The following SEPTIN11 variants were observed in gnomAD, a reference collection of about 807,000 sequenced individuals.
SEPTIN11 encodes septin 11.
A neutral mutation model predicts 51.4 loss-of-function variants in SEPTIN11; 25 were observed. That is an observed-to-expected ratio of 0.49 (90% CI 0.35 to 0.68). The LOEUF (loss-of-function observed/expected upper bound fraction) is 0.68. SEPTIN11 is among the 30% of genes least tolerant of loss of function. The pLI, the probability that SEPTIN11 is intolerant of heterozygous loss-of-function variation, is 0.00. For synonymous variants in SEPTIN11, 174 were observed against 184.1 expected (o/e 0.95, Z 0.44); for missense variants, 381 against 520.8 (o/e 0.73, Z 2.61).
intron 1 of SEPTIN11, among the ~76,000 whole-genome samples, chr4:76,973,993 TCTC>T (rs746184357): frequency 1.4e-4 from 22 of 152,130 alleles, no homozygotes; most frequent in Non-Finnish European, 2.8e-4. Context: ...CACTTTTACC[TCTC>T]CTCATAAATC....
rs1251209230 is a variant in SEPTIN11, at chr4:77,011,855, T to C, written c.459T>C (p.Phe153=). ...CGAGGATCCATGCCTGCCTCTACTTTATTGCCCCTACTGGACATTCACTAA... is the reference window on the plus strand; with the variant it reads ...CGAGGATCCATGCCTGCCTCTACTTCATTGCCCCTACTGGACATTCACTAA... ...HDTRIHACLY[F]IAPTGHSLKS... The change falls in exon 4 of 10, where the codon TTT becomes TTC. Residue 153 remains phenylalanine (F), a synonymous_variant. Transcript: ENST00000264893. The C allele has an allele frequency of 1.2e-6, 2 of 1,614,148 alleles. No homozygotes were observed. The highest frequency in any genetic ancestry group is 1.7e-5 in the Admixed American group (1 of 60,022).
chr4:77,027,093 A>G (rs537514165), intron 7 of SEPTIN11, among the ~76,000 whole-genome samples: 1 of 152,210 alleles, frequency 6.6e-6, no homozygotes, highest in Non-Finnish European at 1.5e-5. Flanking sequence ...CTTTTAATAA[A>G]CTAATAACCG....
At chr4:77,023,019 G>GC (rs1001685231) in intron 7 of SEPTIN11, among the ~76,000 whole-genome samples, 4 of 152,126 alleles carry the variant, frequency 2.6e-5, no homozygotes, top group Middle Eastern at 3.2e-3. Context: ...GGCATTTCCT[G>GC]CAAGCCCAGA....
In SEPTIN11 at chr4:77,016,479, T is replaced by C. The variant is rs531843051; in HGVS notation, c.687+1462T>C. Among the ~76,000 whole-genome samples the C allele has an allele frequency of 4.4e-4, 64 of 145,578 alleles. 1 individual carries two copies. In the South Asian group the frequency reaches 4.7e-3, roughly 11 times the overall value. On this transcript the variant is annotated intron_variant, in intron 5 of 9. Coordinates refer to ENST00000264893, the MANE Select transcript of SEPTIN11 (RefSeq NM_018243.4). ...CAACAATAAAAACAATAATACAAAA[T>C]ATATATATATATGTGTATATATATA...
chr4:76,988,428 A>C (rs1197648382), intron 1 of SEPTIN11, among the ~76,000 whole-genome samples: 1 of 152,224 alleles, frequency 6.6e-6, no homozygotes, highest in African/African-American at 2.4e-5. Flanking sequence ...TGAATGAATG[A>C]AAGCATGAAT....
intron 1 of SEPTIN11, among the ~76,000 whole-genome samples, chr4:76,962,029 A>C (rs1223922411): frequency 6.6e-6 from 1 of 152,242 alleles, no homozygotes. Context: ...TAAAGGTAAA[A>C]AATTTTGCTG....
intron 1 of SEPTIN11, among the ~76,000 whole-genome samples, chr4:76,971,192 G>A (rs957698584): frequency 6.6e-6 from 1 of 152,096 alleles, no homozygotes; most frequent in Non-Finnish European, 1.5e-5. Flanking sequence ...GACTATACAA[G>A]GTGCTTCATA....
intron 6 of SEPTIN11, 115 bp downstream of exon 6, chr4:77,019,376 A>T: frequency 9.1e-6 from 7 of 772,812 alleles, no homozygotes; most frequent in Non-Finnish European, 1.4e-5. Context: ...TGGCAGTGGG[A>T]GGGAGTGGTG....
At chr4:76,997,780 G>A (rs1014454516) in intron 2 of SEPTIN11, among the ~76,000 whole-genome samples, 1 of 152,162 alleles carries the variant, frequency 6.6e-6, no homozygotes, top group African/African-American at 2.4e-5. Flanking sequence ...TGCAGAGCAG[G>A]GCAATTCTTC....
rs746595068 is a variant in SEPTIN11 at position 77,011,822 on chromosome 4, C to G, written c.426C>G (p.Tyr142Ter). 2.5e-6 allele frequency: 4 copies of G among 1,613,958 alleles called. No homozygotes were observed. The African/African-American group carries it at 5.3e-5, about 22-fold the overall frequency. Residue 142 changes from tyrosine to a stop codon, truncating the protein, a stop_gained, in exon 4 of 10, where the codon TAC becomes TAG. Transcript: ENST00000264893. LOFTEE classifies it high-confidence loss of function. ...AGATTAAACGTTCTCTCTTCAACTA[C>G]CATGACACGAGGATCCATGCCTGCC... is the stretch of plus-strand genomic sequence containing the variant. Reference protein sequence around the residue: ...ELKIKRSLFNYHDTRIHACLY... With the variant: ...ELKIKRSLFN
chr4:77,031,978 A>G (rs1303352184), intron 9 of SEPTIN11: 6 of 152,214 alleles, frequency 3.9e-5, no homozygotes. Context: ...GCACATAAAG[A>G]ATTACATTCT....
chr4:77,011,522 T>TG (rs1391266713), intron 3 of SEPTIN11, among the ~76,000 whole-genome samples: 2 of 81,502 alleles, frequency 2.5e-5, no homozygotes, highest in African/African-American at 4.8e-5. Context: ...TTGACATGGG[T>TG]GGGGGGCGGG....
intron 1 of SEPTIN11, among the ~76,000 whole-genome samples, chr4:76,991,817 G>C (rs1578151660): frequency 6.6e-6 from 1 of 152,312 alleles, no homozygotes; most frequent in East Asian, 1.9e-4. Flanking sequence ...CGGAACTGCA[G>C]TGTTCTTCAA....
At chr4:76,964,068 C>T (rs1165677960) in intron 1 of SEPTIN11, among the ~76,000 whole-genome samples, 2 of 151,986 alleles carry the variant, frequency 1.3e-5, no homozygotes, top group Non-Finnish European at 2.9e-5. Flanking sequence ...GTTTTTTGTC[C>T]TTGTGATAGT....
chr4:76,992,889 G>A (rs1030216714), intron 1 of SEPTIN11, among the ~76,000 whole-genome samples: 1 of 152,158 alleles, frequency 6.6e-6, no homozygotes, highest in East Asian at 1.9e-4. Context: ...CAAGAAGAGT[G>A]GTCATTTAAT....
intron 1 of SEPTIN11, among the ~76,000 whole-genome samples, chr4:76,982,030 G>A (rs1474112924): frequency 6.6e-6 from 1 of 152,034 alleles, no homozygotes; most frequent in African/African-American, 2.4e-5. Context: ...CCCCATTTAA[G>A]GACTATTTCC....
intron 3 of SEPTIN11, 125 bp from the exon 4 acceptor site, chr4:77,011,610 C>T: frequency 2.6e-6 from 2 of 780,484 alleles, no homozygotes; most frequent in South Asian, 1.7e-5. Context: ...TGATGGAAGG[C>T]CTGGATACCT....
At chr4:76,973,397 G>A (rs556485735) in intron 1 of SEPTIN11, among the ~76,000 whole-genome samples, 36 of 152,308 alleles carry the variant, frequency 2.4e-4, no homozygotes, top group Non-Finnish European at 2.5e-4. Flanking sequence ...CTTGCAGTGC[G>A]TGTGTGCATG....
At chr4:76,978,843 G>C (rs1325717499) in intron 1 of SEPTIN11, among the ~76,000 whole-genome samples, 2 of 152,168 alleles carry the variant, frequency 1.3e-5, no homozygotes, top group African/African-American at 4.8e-5. Flanking sequence ...TTGTGACTAA[G>C]TGTTGGGAAG....
Sources: allele counts gnomAD v4.1 joint callset (sites outside exome capture counted in the v4.1 genomes callset), GRCh38; gene constraint gnomAD v4.1.1; transcripts MANE v1.5; gene names NCBI Gene and HGNC (gene_info 2026-07-23, HGNC 2026-07-21).